PGBD2: variants seen among roughly 807,000 people sequenced by gnomAD.
PGBD2 encodes piggyBac transposable element derived 2, also known as piggyBac transposable element-derived protein 2.
PGBD2 carries 6 observed loss-of-function variants against 8.1 expected under a neutral mutation model. The observed-to-expected ratio is 0.74, with a 90% CI of 0.40 to 1.46. PGBD2 has a LOEUF of 1.46. Ranked by LOEUF, PGBD2 falls within the 40% of genes most tolerant of loss-of-function variation. The probability of loss-of-function intolerance (pLI) is 0.02; values close to 1 mark genes in which losing one functional copy is unlikely to be tolerated. For synonymous variants in PGBD2, 318 were observed against 272.2 expected, an observed-to-expected ratio of 1.17 and a Z score of -1.66; for missense variants, 802 against 739.0, an observed-to-expected ratio of 1.09 and a Z score of -0.99.
intron 1 of PGBD2, among the ~76,000 whole-genome samples, chr1:248,907,347 A>G (rs1182384015): frequency 6.6e-5 from 10 of 152,238 alleles, no homozygotes; most frequent in Admixed American, 4.6e-4. Flanking sequence ...CTCCTATCTC[A>G]GAATTGAACA....
the PGBD2 span, among the ~76,000 whole-genome samples, chr1:248,880,517 A>C: frequency 6.6e-6 from 1 of 152,242 alleles, no homozygotes; most frequent in Non-Finnish European, 1.5e-5. Context: ...TTCTATATTC[A>C]TCACTCATCA....
downstream of PGBD2, among the ~76,000 whole-genome samples, chr1:248,921,212 G>A (rs1182570117): frequency 6.6e-6 from 1 of 152,120 alleles, no homozygotes; most frequent in Non-Finnish European, 1.5e-5. Flanking sequence ...TGAAGTCTTT[G>A]CCCATGCCTA....
chr1:248,874,362 T>A, the PGBD2 span, among the ~76,000 whole-genome samples: 1 of 151,998 alleles, frequency 6.6e-6, no homozygotes, highest in Non-Finnish European at 1.5e-5. Context: ...TAACCATAGG[T>A]GATGTTCCCA....
chr1:248,874,287 G>T, the PGBD2 span, among the ~76,000 whole-genome samples: 4 of 152,166 alleles, frequency 2.6e-5, no homozygotes, highest in Non-Finnish European at 5.9e-5. Context: ...CGCTCTCACC[G>T]CCGCGGCCCG....
chr1:248,911,500 G>A (rs1300987378), intron 1 of PGBD2, among the ~76,000 whole-genome samples: 1 of 146,778 alleles, frequency 6.8e-6, no homozygotes, highest in Non-Finnish European at 1.5e-5. Flanking sequence ...AAAACGAAAA[G>A]TCTCCCATGT....
downstream of PGBD2, among the ~76,000 whole-genome samples, chr1:248,923,565 C>T (rs1162584689): frequency 6.6e-6 from 1 of 152,208 alleles, no homozygotes; most frequent in Non-Finnish European, 1.5e-5. Flanking sequence ...GCTTTCTCTC[C>T]CACTGGCTCT....
rs756193614 is a variant in PGBD2, at chr1:248,917,157, C to T, written c.573C>T (p.Tyr191=). ...TGGGCATTTTGATTTTAAGTGGGTA[C>T]ATCTCTTATCCAAGGAGAAGGATGT... ...CVLGILILSG[Y]ISYPRRRMFW... Residue 191 remains tyrosine (Y), a synonymous_variant, in exon 3 of 3, where the codon TAC becomes TAT. Transcript: ENST00000329291. The T allele has an allele frequency of 6.8e-6, 11 of 1,613,978 alleles. No individual in the cohort carries two copies. The highest frequency in any genetic ancestry group is 6.7e-5 in the Admixed American group (4 of 59,994).
At chr1:248,883,660 G>A in the PGBD2 span, among the ~76,000 whole-genome samples, 14 of 136,462 alleles carry the variant, frequency 1.0e-4, no homozygotes, top group African/African-American at 3.7e-4. Context: ...GCAGTGGCAC[G>A]ATCTCGGCTT....
the PGBD2 span, among the ~76,000 whole-genome samples, chr1:248,881,302 C>T: frequency 1.3e-5 from 2 of 152,162 alleles, no homozygotes; most frequent in Admixed American, 1.3e-4. Context: ...TTGTCCAAGT[C>T]ATTCTTTGGT....
the PGBD2 span, among the ~76,000 whole-genome samples, chr1:248,890,152 C>T: frequency 1.3e-3 from 197 of 152,164 alleles, no homozygotes; most frequent in Admixed American, 2.9e-3. Context: ...GTCTCAAACT[C>T]CCGACCTCAA....
chr1:248,925,209 C>G, the PGBD2 span, among the ~76,000 whole-genome samples: 1 of 152,094 alleles, frequency 6.6e-6, no homozygotes, highest in East Asian at 1.9e-4. Context: ...TGGAGGAAGC[C>G]ACAAAGACTA....
At chr1:248,904,468 T>A (rs997459066), upstream of PGBD2, among the ~76,000 whole-genome samples, 3 of 152,370 alleles carry the variant, frequency 2.0e-5, no homozygotes, top group South Asian at 6.2e-4. Context: ...TTATTAACTT[T>A]AAATTACATA....
chr1:248,923,491 C>T (rs896932831), downstream of PGBD2, among the ~76,000 whole-genome samples: 12 of 152,074 alleles, frequency 7.9e-5, no homozygotes, highest in Non-Finnish European at 1.3e-4. Context: ...CAGCCCAGCT[C>T]GCATCATCGT....
the PGBD2 span, among the ~76,000 whole-genome samples, chr1:248,885,371 C>T: frequency 6.6e-6 from 1 of 151,468 alleles, no homozygotes; most frequent in Non-Finnish European, 1.5e-5. Flanking sequence ...GAACTCCTAG[C>T]CTTAAGCTAT....
the PGBD2 span, among the ~76,000 whole-genome samples, chr1:248,876,761 T>C: frequency 6.6e-6 from 1 of 152,168 alleles, no homozygotes; most frequent in East Asian, 1.9e-4. Flanking sequence ...TTGTATGGTG[T>C]CTCTACATCT....
chr1:248,889,183 G>A, the PGBD2 span, among the ~76,000 whole-genome samples: 4,179 of 152,188 alleles, frequency 0.027, 208 homozygotes, highest in African/African-American at 0.096. Flanking sequence ...TCAGGAGTTC[G>A]AGACCAGCCT....
rs935368631 is a variant in PGBD2 at position 248,918,557 on chromosome 1, A to G, written c.*194A>G. On this transcript the variant is annotated 3_prime_UTR_variant, in exon 3 of 3. Coordinates refer to ENST00000329291, the MANE Select transcript of PGBD2 (RefSeq NM_170725.3). ...ATGCCTACATGTGATATAAATTAAT[A>G]TTTATATTCATTTATATTTATATTT... The G allele has an allele frequency of 3.3e-6, 1 of 299,998 alleles. No individual in the cohort carries two copies. Among genetic ancestry groups the G allele is most frequent in the Non-Finnish European group, 6.3e-6 (1 of 158,896 alleles). The allele number at this position is 299,998 out of a possible 1,614,324, so 18.6% of individuals were successfully genotyped here.
Position 248,917,910 on chromosome 1 carries a change from A to G in PGBD2, c.1326A>G (p.Lys442=), listed in dbSNP as rs1372191336. The change falls in exon 3 of 3, where the codon AAA becomes AAG. Residue 442 remains lysine, a synonymous_variant. Coordinates refer to ENST00000329291, the MANE Select transcript of PGBD2 (RefSeq NM_170725.3). ...RLTSRHSGAA[K]TRTQVHQPSL... is the part of the protein sequence containing the mutation. The stretch of plus-strand genomic sequence containing the variant: ...CCAGTCGTCACTCTGGAGCAGCTAA[A>G]ACGCGGACTCAGGTCCACCAGCCAT... 4 of 1,614,078 alleles carry G rather than the reference A, an allele frequency of 2.5e-6. No homozygotes were observed. Among genetic ancestry groups the G allele is most frequent in the African/African-American group, 1.3e-5 (1 of 74,926 alleles).
At chr1:248,928,902 C>T in the PGBD2 span, among the ~76,000 whole-genome samples, 3 of 152,208 alleles carry the variant, frequency 2.0e-5, no homozygotes, top group East Asian at 1.9e-4. Context: ...CAAAGCCAGA[C>T]GCATTCCTGA....
Sources: allele counts gnomAD v4.1 joint callset (sites outside exome capture counted in the v4.1 genomes callset), GRCh38; gene constraint gnomAD v4.1.1; transcripts MANE v1.5; gene names NCBI Gene and HGNC (gene_info 2026-07-23, HGNC 2026-07-21).